CHD6: variants seen among roughly 807,000 people sequenced by gnomAD.
The protein encoded by CHD6 is ATP-dependent chromatin remodeler CHD6.
A neutral mutation model predicts 276.9 loss-of-function variants in CHD6; 50 were observed. The observed-to-expected ratio is 0.18, with a 90% confidence interval of 0.14 to 0.23. The LOEUF (loss-of-function observed/expected upper bound fraction) is 0.23, where lower values mean the gene tolerates loss of function less well. Among genes scored for constraint, CHD6 ranks in the 10% least tolerant of loss-of-function variants. CHD6 has a pLI of 1.00. For missense variants in CHD6, 2,564 were observed against 3,365.8 expected (o/e 0.76, Z 5.89); for synonymous variants, 1,173 against 1,229.3 (o/e 0.95, Z 0.96).
chr20:41,580,290 G>C (rs2045522381), intron 1 of CHD6, among the ~76,000 whole-genome samples: 1 of 151,942 alleles, frequency 6.6e-6, no homozygotes, highest in East Asian at 1.9e-4. Context: ...CCAAAATATT[G>C]TACCTTAACA....
chr20:41,496,615 G>C (rs1055392951), intron 8 of CHD6, among the ~76,000 whole-genome samples: 1 of 152,194 alleles, frequency 6.6e-6, no homozygotes, highest in African/African-American at 2.4e-5. Context: ...CAAGACCAAA[G>C]GCAGTGTTGA....
chr20:41,593,220 T>C (rs1049559198), intron 1 of CHD6, among the ~76,000 whole-genome samples: 1 of 142,292 alleles, frequency 7.0e-6, no homozygotes, highest in East Asian at 2.2e-4. Context: ...GGGGGTTAAA[T>C]AGTAAAAGAG....
In CHD6 at chr20:41,421,505, C is replaced by T; in HGVS notation, c.5130G>A (p.Lys1710=). Residue 1710 remains lysine, a synonymous_variant, in exon 31 of 37, where the codon AAG becomes AAA. Transcript: ENST00000373233. ...PESLESMMYG[K]KVLSQEPSSF... ...AGCTTGGTTCTTGGCTGAGCACCTT[C>T]TTACCATACATCATGCTCTCTAAGG... The T allele has an allele frequency of 6.2e-7, 1 of 1,613,096 alleles. No homozygotes were observed. Among genetic ancestry groups the T allele is most frequent in the Non-Finnish European group, 8.5e-7 (1 of 1,179,616 alleles).
intron 1 of CHD6, among the ~76,000 whole-genome samples, chr20:41,585,322 G>A (rs1445445876): frequency 3.9e-5 from 6 of 151,976 alleles, no homozygotes; most frequent in Non-Finnish European, 7.4e-5. Flanking sequence ...TGACCAACAT[G>A]GAGAAACCGT....
intron 4 of CHD6, among the ~76,000 whole-genome samples, 154 bp downstream of exon 4, chr20:41,514,651 T>TAC (rs1203050452): frequency 6.6e-6 from 1 of 152,134 alleles, no homozygotes; most frequent in East Asian, 1.9e-4. Flanking sequence ...GGCAAAAGAC[T>TAC]ACAGTCTACC....
Position 41,421,872 on chromosome 20 carries a change from G to A in CHD6, c.4763C>T (p.Thr1588Ile), listed in dbSNP as rs778525710. 2.5e-6 allele frequency: 4 copies of A among 1,614,210 alleles called. No individual in the cohort carries two copies. Among genetic ancestry groups the A allele is most frequent in the Non-Finnish European group, 3.4e-6 (4 of 1,180,026 alleles). The stretch of plus-strand genomic sequence containing the variant: ...AGTGCGGTTCAGCCCATGTTTGGCA[G>A]TGCCGATGAGCAGGTCTCGATCATG... ...GKHDRDLLIG[T>I]AKHGLNRTDC... The change falls in exon 31 of 37, where the codon ACT becomes ATT. Residue 1588 changes from threonine to isoleucine, a missense_variant. Transcript: ENST00000373233.
chr20:41,473,658 A>C lies in CHD6; in HGVS notation c.2469-141T>G. The C allele has an allele frequency of 1.5e-6, 1 of 650,632 alleles. No homozygotes were observed. The highest frequency in any genetic ancestry group is 3.9e-4 in the Middle Eastern group (1 of 2,580). 40.3% of individuals were successfully genotyped at this position (650,632 alleles called of 1,614,324 possible). Reference sequence around the variant, plus strand: ...GACCAAATGACAGCAGTCTAGAAGGAATCCTGCCCCCTACATATGCAGCAG... The same window carrying C: ...GACCAAATGACAGCAGTCTAGAAGGCATCCTGCCCCCTACATATGCAGCAG... On this transcript the variant is annotated intron_variant, in intron 16 of 36. Transcript: ENST00000373233. The surrounding 1 kb of genome is among the most constrained non-coding windows in gnomAD (Gnocchi z 4.1).
chr20:41,469,698 T>C (rs1429550500), intron 17 of CHD6, among the ~76,000 whole-genome samples: 1 of 152,192 alleles, frequency 6.6e-6, no homozygotes, highest in African/African-American at 2.4e-5. Flanking sequence ...AACCTTCAAT[T>C]TTGTACACAC....
At chr20:41,492,313 T>G (rs1173355414) in intron 10 of CHD6, among the ~76,000 whole-genome samples, 2 of 152,334 alleles carry the variant, frequency 1.3e-5, no homozygotes, top group East Asian at 3.9e-4. Context: ...TAATCAACCA[T>G]GCAAACAAAA....
chr20:41,492,746 C>A (rs2043586130), intron 10 of CHD6, among the ~76,000 whole-genome samples: 1 of 152,178 alleles, frequency 6.6e-6, no homozygotes, highest in Non-Finnish European at 1.5e-5. Context: ...TGGTGAAACA[C>A]CATCTCTGCT....
intron 27 of CHD6, among the ~76,000 whole-genome samples, chr20:41,432,917 A>G (rs2047589923): frequency 1.3e-5 from 2 of 152,228 alleles, no homozygotes; most frequent in Admixed American, 1.3e-4. Context: ...TTTGGATTCA[A>G]AGGGAAATTT....
intron 30 of CHD6, 126 bp from the exon 31 acceptor site, chr20:41,422,205 G>A: frequency 1.1e-6 from 1 of 936,726 alleles, no homozygotes; most frequent in Non-Finnish European, 1.6e-6. Flanking sequence ...AGTTTCAGGT[G>A]TGTGAGCCCT....
intron 17 of CHD6, among the ~76,000 whole-genome samples, chr20:41,470,581 C>A (rs547598812): frequency 6.6e-6 from 1 of 152,316 alleles, no homozygotes; most frequent in African/African-American, 2.4e-5. Flanking sequence ...GTTTGGACTT[C>A]ACTGCTATTC....
In CHD6 at chr20:41,483,531, T is replaced by TGGAACAAAACTATTCCTC; in HGVS notation, c.2258-30_2258-13dup. ...TTTCTCCTCTGCTCCTGAAAAGGAATGGAACAAAACTATTCCTCGGACAGA... is the reference window on the plus strand; with the variant it reads ...TTTCTCCTCTGCTCCTGAAAAGGAATGGAACAAAACTATTCCTCGGAACAAAACTATTCCTCGGACAGA... On this transcript the variant is annotated splice_polypyrimidine_tract_variant and intron_variant, in intron 15 of 36. Coordinates refer to ENST00000373233, the MANE Select transcript of CHD6 (RefSeq NM_032221.5). The TGGAACAAAACTATTCCTC allele has an allele frequency of 6.3e-7, 1 of 1,589,258 alleles. No individual in the cohort carries two copies. The highest frequency in any genetic ancestry group is 8.6e-7 in the Non-Finnish European group (1 of 1,161,560).
At chr20:41,611,142 C>T (rs965199284) in intron 1 of CHD6, among the ~76,000 whole-genome samples, 1 of 152,100 alleles carries the variant, frequency 6.6e-6, no homozygotes, top group Non-Finnish European at 1.5e-5. Context: ...AATAAAGAGG[C>T]AAATATAAAT....
rs1214695781 is a variant in CHD6 at position 41,402,435 on chromosome 20, T to G, written c.*2158A>C. 1 of 230,726 alleles carries G rather than the reference T, an allele frequency of 4.3e-6. No individual in the cohort carries two copies. The highest frequency in any genetic ancestry group is 2.2e-5 in the African/African-American group (1 of 45,328). 14.3% of individuals were successfully genotyped at this position (230,726 alleles called of 1,614,324 possible). Reference sequence around the variant, plus strand: ...TTGAGCATGCTGGTGGGTTTTTAAGTCAGATCCACATTGAACCCTGTGACC... The same window carrying G: ...TTGAGCATGCTGGTGGGTTTTTAAGGCAGATCCACATTGAACCCTGTGACC... On this transcript the variant is annotated 3_prime_UTR_variant, in exon 37 of 37. Transcript: ENST00000373233.
At chr20:41,410,721 G>T (rs1383891207) in intron 36 of CHD6, among the ~76,000 whole-genome samples, 1 of 152,188 alleles carries the variant, frequency 6.6e-6, no homozygotes, top group African/African-American at 2.4e-5. Flanking sequence ...CTGGCAAAGG[G>T]TCAGCATCTG....
chr20:41,412,321 A>G, intron 35 of CHD6, 58 bp from the exon 36 acceptor site: 1 of 1,586,654 alleles, frequency 6.3e-7, no homozygotes, highest in Non-Finnish European at 8.6e-7. Flanking sequence ...TCTTCTGATG[A>G]GGCTGATGCT....
chr20:41,422,212 C>G, intron 30 of CHD6, 133 bp from the exon 31 acceptor site: 1 of 834,228 alleles, frequency 1.2e-6, no homozygotes, highest in South Asian at 1.9e-5. Context: ...GGTGTGTGAG[C>G]CCTTGCCAAA....
Sources: allele counts gnomAD v4.1 joint callset (sites outside exome capture counted in the v4.1 genomes callset), GRCh38; gene constraint gnomAD v4.1.1; non-coding constraint Gnocchi (gnomAD v3.1); transcripts MANE v1.5; gene names NCBI Gene and HGNC (gene_info 2026-07-23, HGNC 2026-07-21).